Variants in RCAN2 observed in about 807,000 individuals in gnomAD.
RCAN2 encodes the protein regulator of calcineurin 2, also known as calcipressin-2.
In RCAN2, 9 loss-of-function variants were observed where a neutral mutation model predicts 23.6. That is an observed-to-expected ratio of 0.38 (90% CI 0.23 to 0.67). The LOEUF (loss-of-function observed/expected upper bound fraction) is 0.67. RCAN2 is among the 30% of genes least tolerant of loss of function. The pLI, the probability that RCAN2 is intolerant of heterozygous loss-of-function variation, is 0.51. For synonymous variants in RCAN2, 109 were observed against 115.7 expected (o/e 0.94, Z 0.37); for missense variants, 273 against 302.3 (o/e 0.90, Z 0.72).
At chr6:46,421,231 G>C (rs545531544) in intron 2 of RCAN2, among the ~76,000 whole-genome samples, 1 of 152,180 alleles carries the variant, frequency 6.6e-6, no homozygotes, top group African/African-American at 2.4e-5. Context: ...ATTAAATGGG[G>C]AAAGTAAACT....
At chr6:46,332,466 C>G (rs957298614) in intron 2 of RCAN2, among the ~76,000 whole-genome samples, 1 of 132,138 alleles carries the variant, frequency 7.6e-6, no homozygotes, top group South Asian at 2.7e-4. Flanking sequence ...CCCCTCCCCC[C>G]ACCCCACAAC....
chr6:46,363,861 T>G (rs1017416615), intron 2 of RCAN2, among the ~76,000 whole-genome samples: 2 of 152,126 alleles, frequency 1.3e-5, no homozygotes, highest in African/African-American at 2.4e-5. Flanking sequence ...ACCAGTAAGA[T>G]GTTAAAGCCA....
At chr6:46,483,422 C>T (rs1176828017) in intron 1 of RCAN2, among the ~76,000 whole-genome samples, 1 of 152,144 alleles carries the variant, frequency 6.6e-6, no homozygotes, top group Non-Finnish European at 1.5e-5. Context: ...TGATTACAAA[C>T]AGAATGGGAA....
chr6:46,383,413 G>T (rs1017752076), intron 2 of RCAN2, among the ~76,000 whole-genome samples: 1 of 152,054 alleles, frequency 6.6e-6, no homozygotes, highest in Non-Finnish European at 1.5e-5. Context: ...TTATATCTGT[G>T]AAAACAAATA....
At chr6:46,389,931 T>G (rs1385774722) in intron 2 of RCAN2, among the ~76,000 whole-genome samples, 1 of 151,958 alleles carries the variant, frequency 6.6e-6, no homozygotes, top group Non-Finnish European at 1.5e-5. Flanking sequence ...GAAGTAATTT[T>G]GCCAAACACT....
At chr6:46,349,323 G>T (rs974250650) in intron 2 of RCAN2, among the ~76,000 whole-genome samples, 1 of 151,980 alleles carries the variant, frequency 6.6e-6, no homozygotes, top group Admixed American at 6.6e-5. Context: ...GAAAACCACC[G>T]CATGTTCTCA....
intron 2 of RCAN2, among the ~76,000 whole-genome samples, chr6:46,381,576 C>T (rs531770692): frequency 2.6e-5 from 4 of 152,292 alleles, no homozygotes; most frequent in South Asian, 2.1e-4. Flanking sequence ...TAGGCGTTCT[C>T]GTTCCCCCAG....
chr6:46,412,175 A>T (rs537006034), intron 2 of RCAN2, among the ~76,000 whole-genome samples: 19 of 152,324 alleles, frequency 1.2e-4, no homozygotes, highest in African/African-American at 4.1e-4. Context: ...TGGATTATAT[A>T]TTAAGAAGAG....
chr6:46,445,701 C>A (rs1025897499), intron 2 of RCAN2, among the ~76,000 whole-genome samples: 5 of 151,822 alleles, frequency 3.3e-5, no homozygotes, highest in Non-Finnish European at 5.9e-5. Flanking sequence ...AATTAAAGAA[C>A]AATAAGCAAC....
chr6:46,424,371 A>C (rs1766976427), intron 2 of RCAN2, among the ~76,000 whole-genome samples: 1 of 152,138 alleles, frequency 6.6e-6, no homozygotes, highest in South Asian at 2.1e-4. Flanking sequence ...CCAGCAGACA[A>C]ACTCCAATCC....
chr6:46,397,372 A>AAC (rs58494804), intron 2 of RCAN2, among the ~76,000 whole-genome samples: 15,826 of 146,010 alleles, frequency 0.11, 1,663 homozygotes, highest in African/African-American at 0.28. Context: ...ATTTCACAGA[A>AAC]ACACACACAC....
intron 1 of RCAN2, among the ~76,000 whole-genome samples, chr6:46,461,044 T>C (rs1768189390): frequency 6.6e-6 from 1 of 152,174 alleles, no homozygotes; most frequent in Admixed American, 6.5e-5. Context: ...TTAATGTTTT[T>C]TAATGAGTTA....
intron 2 of RCAN2, among the ~76,000 whole-genome samples, chr6:46,358,200 G>A (rs1286669537): frequency 9.2e-5 from 14 of 152,184 alleles, no homozygotes; most frequent in Admixed American, 9.2e-4. Flanking sequence ...ATTAGACCCT[G>A]CTGCAGAAAT....
intron 2 of RCAN2, among the ~76,000 whole-genome samples, chr6:46,426,543 A>G (rs1767037405): frequency 6.6e-6 from 1 of 152,228 alleles, no homozygotes; most frequent in African/African-American, 2.4e-5. Context: ...TGTATTCCAT[A>G]GATATTTTTG....
At chr6:46,425,367 T>C (rs1482485283) in intron 2 of RCAN2, among the ~76,000 whole-genome samples, 1 of 152,166 alleles carries the variant, frequency 6.6e-6, no homozygotes, top group Non-Finnish European at 1.5e-5. Flanking sequence ...TGTGCACCTA[T>C]GTGAGAATAT....
intron 2 of RCAN2, among the ~76,000 whole-genome samples, chr6:46,384,165 T>C (rs2150394919): frequency 6.6e-6 from 1 of 152,300 alleles, no homozygotes; most frequent in South Asian, 2.1e-4. Flanking sequence ...CCCACTCTCC[T>C]TTAGTATTAG....
intron 2 of RCAN2, among the ~76,000 whole-genome samples, chr6:46,300,763 G>T (rs1041542629): frequency 2.0e-5 from 3 of 151,976 alleles, no homozygotes; most frequent in African/African-American, 7.2e-5. Flanking sequence ...TCTTGTCAAT[G>T]ATTAGGCACA....
intron 2 of RCAN2, among the ~76,000 whole-genome samples, chr6:46,352,064 A>C (rs568876130): frequency 6.6e-6 from 1 of 152,268 alleles, no homozygotes; most frequent in Admixed American, 6.5e-5. Flanking sequence ...TACCCCCACA[A>C]ACATAAGCCA....
chr6:46,327,682 AT>A (rs1479674452), intron 2 of RCAN2, among the ~76,000 whole-genome samples: 1 of 152,212 alleles, frequency 6.6e-6, no homozygotes, highest in Non-Finnish European at 1.5e-5. Context: ...ATATCCTAAA[AT>A]TTATTTTTTA....
Sources: allele counts gnomAD v4.1 joint callset (sites outside exome capture counted in the v4.1 genomes callset), GRCh38; gene constraint gnomAD v4.1.1; transcripts MANE v1.5; gene names NCBI Gene and HGNC (gene_info 2026-07-23, HGNC 2026-07-21).